The following ANXA8 variants were observed in gnomAD, a reference collection of about 807,000 sequenced individuals.
ANXA8 encodes the protein annexin A8.
Under a neutral mutation model 26.8 loss-of-function variants are expected in ANXA8, and 9 were observed. That is an observed-to-expected ratio of 0.34 (90% CI 0.20 to 0.59). The LOEUF is 0.59. Among genes scored for constraint, ANXA8 ranks in the 20% least tolerant of loss-of-function variants. ANXA8 has a pLI of 0.84. For missense variants in ANXA8, 83 were observed against 238.5 expected, an observed-to-expected ratio of 0.35 and a Z score of 4.29; for synonymous variants, 39 against 94.8, an observed-to-expected ratio of 0.41 and a Z score of 3.42.
At chr10:47,969,325 C>T in the ANXA8 span, among the ~76,000 whole-genome samples, 33 of 151,420 alleles carry the variant, frequency 2.2e-4, no homozygotes, top group African/African-American at 7.0e-4. Flanking sequence ...AGAATTAGCA[C>T]GTAGGCTGCC....
the ANXA8 span, among the ~76,000 whole-genome samples, chr10:47,632,622 GAGAT>G: frequency 2.8e-5 from 4 of 143,632 alleles, no homozygotes; most frequent in Admixed American, 6.8e-5. Flanking sequence ...AATATAATAA[GAGAT>G]AGAAAATCAC....
upstream of ANXA8, among the ~76,000 whole-genome samples, chr10:47,488,500 T>G (rs1840085181): frequency 6.6e-6 from 1 of 150,716 alleles, no homozygotes; most frequent in African/African-American, 2.5e-5. Context: ...CGTGAGCCAC[T>G]GCACCTGGCC....
At chr10:47,695,730 C>T in the ANXA8 span, among the ~76,000 whole-genome samples, 1 of 96,524 alleles carries the variant, frequency 1.0e-5, no homozygotes, top group Admixed American at 1.1e-4. Context: ...TTAGATCCTG[C>T]CTTAGAGATA....
At chr10:47,974,243 T>C in the ANXA8 span, among the ~76,000 whole-genome samples, 1 of 147,340 alleles carries the variant, frequency 6.8e-6, no homozygotes, top group Non-Finnish European at 1.5e-5. Context: ...TGAAGATGAA[T>C]TGTAATATCT....
chr10:47,667,931 T>C, the ANXA8 span, among the ~76,000 whole-genome samples: 1 of 151,886 alleles, frequency 6.6e-6, no homozygotes, highest in African/African-American at 2.4e-5. Context: ...AGAGACAGGG[T>C]TTCACCATGT....
the ANXA8 span, among the ~76,000 whole-genome samples, chr10:47,660,553 AC>A: frequency 6.6e-6 from 1 of 151,648 alleles, no homozygotes; most frequent in Non-Finnish European, 1.5e-5. Flanking sequence ...GGTATATGTC[AC>A]CATGCCTGGC....
At chr10:47,962,619 CA>C in the ANXA8 span, among the ~76,000 whole-genome samples, 5 of 148,208 alleles carry the variant, frequency 3.4e-5, no homozygotes, top group Non-Finnish European at 6.0e-5. Context: ...CTACCTCACA[CA>C]CTTACACACA....
At chr10:47,940,771 T>A in the ANXA8 span, among the ~76,000 whole-genome samples, 1 of 141,988 alleles carries the variant, frequency 7.0e-6, no homozygotes, top group Non-Finnish European at 1.5e-5. Context: ...GAGGTTGCAG[T>A]GAGCCGAGAT....
chr10:47,558,215 C>A, the ANXA8 span, among the ~76,000 whole-genome samples: 2 of 151,882 alleles, frequency 1.3e-5, no homozygotes, highest in Non-Finnish European at 2.9e-5. Flanking sequence ...TGTCCCTAGC[C>A]CTTCCTCCAG....
chr10:47,977,630 TA>T, the ANXA8 span, among the ~76,000 whole-genome samples: 1 of 150,990 alleles, frequency 6.6e-6, no homozygotes, highest in East Asian at 1.9e-4. Flanking sequence ...GAAAATTATA[TA>T]AAAAAGGGAA....
At chr10:47,644,600 A>G in the ANXA8 span, among the ~76,000 whole-genome samples, 1 of 152,056 alleles carries the variant, frequency 6.6e-6, no homozygotes, top group African/African-American at 2.4e-5. Flanking sequence ...TTTAAAACGT[A>G]TGTCTCTCAT....
the ANXA8 span, among the ~76,000 whole-genome samples, chr10:47,713,156 C>CAAA: frequency 1.5e-5 from 2 of 137,360 alleles, no homozygotes; most frequent in African/African-American, 5.4e-5. Context: ...AGTCTTGTTT[C>CAAA]ACCTGTTACC....
At chr10:47,733,177 CTTTCTTTCTTTCTTTCTTTCTTTCTT>C in the ANXA8 span, among the ~76,000 whole-genome samples, 1 of 108,952 alleles carries the variant, frequency 9.2e-6, no homozygotes, top group African/African-American at 3.0e-5. Context: ...TTCTTTCTTT[CTTTCTTTCTTTCTTTCTTTCTTTCTT>C]TCTTTCTTTC....
At chr10:47,733,221 C>CTTTCTCTT in the ANXA8 span, among the ~76,000 whole-genome samples, 1 of 58,190 alleles carries the variant, frequency 1.7e-5, no homozygotes, top group Non-Finnish European at 3.6e-5. Flanking sequence ...TTCTTTCTTT[C>CTTTCTCTT]TCTTTCTTTC....
At chr10:47,687,511 C>T in the ANXA8 span, among the ~76,000 whole-genome samples, 3 of 151,814 alleles carry the variant, frequency 2.0e-5, no homozygotes, top group African/African-American at 4.8e-5. Context: ...GTGATCCTCC[C>T]GCTTCGGCCT....
At chr10:47,896,904 T>TTTTATTTATTTATTTA in the ANXA8 span, among the ~76,000 whole-genome samples, 189 of 146,018 alleles carry the variant, frequency 1.3e-3, 1 homozygote, top group African/African-American at 4.0e-3. Flanking sequence ...AATGAAGAGA[T>TTTTATTTATTTATTTA]TTTATTTATT....
At chr10:47,483,420 A>G (rs1839914828) in intron 1 of ANXA8, among the ~76,000 whole-genome samples, 2 of 134,748 alleles carry the variant, frequency 1.5e-5, no homozygotes, top group Non-Finnish European at 3.1e-5. Context: ...CCCCAGGTCC[A>G]TCTCCTCCGG....
chr10:47,627,737 T>C, the ANXA8 span, among the ~76,000 whole-genome samples: 1 of 150,026 alleles, frequency 6.7e-6, no homozygotes, highest in Non-Finnish European at 1.5e-5. Context: ...ATTATTGAAC[T>C]AATCCTTTTG....
chr10:47,688,487 T>A, the ANXA8 span, among the ~76,000 whole-genome samples: 12 of 151,256 alleles, frequency 7.9e-5, no homozygotes, highest in African/African-American at 2.9e-4. Flanking sequence ...AGTGGTGAGA[T>A]CTTGGCTCAC....
Sources: gnomAD v4.1 joint callset for allele counts (sites outside exome capture counted in the v4.1 genomes callset) on GRCh38, gnomAD v4.1.1 for gene constraint, MANE v1.5 for transcripts, NCBI Gene and HGNC (gene_info 2026-07-23, HGNC 2026-07-21) for gene names.